Variants in NEIL3 observed in about 807,000 individuals in gnomAD.
NEIL3 encodes the protein endonuclease 8-like 3.
NEIL3 carries 48 observed loss-of-function variants against 57.5 expected under a neutral mutation model. The ratio of observed to expected loss-of-function variants is 0.83; its 90% confidence interval spans 0.66 to 1.06. NEIL3 has a LOEUF of 1.06. Among genes scored for constraint, NEIL3 ranks in the 50% least tolerant of loss-of-function variants. The probability of loss-of-function intolerance (pLI) is 0.00; values close to 1 mark genes in which losing one functional copy is unlikely to be tolerated. For synonymous variants in NEIL3, 261 were observed against 253.2 expected, an observed-to-expected ratio of 1.03 and a Z score of -0.29; for missense variants, 717 against 739.1, an observed-to-expected ratio of 0.97 and a Z score of 0.35.
Position 177,322,531 on chromosome 4 carries a change from G to GA in NEIL3, c.232dup (p.Thr78AsnfsTer28). ...TAATGGATATGTTTACAGTGGCGTGGAAACTTTGGGGAAGGAGCTCTTTAT... is the reference window on the plus strand; with the variant it reads ...TAATGGATATGTTTACAGTGGCGTGGAAAACTTTGGGGAAGGAGCTCTTTAT... On this transcript the variant is annotated frameshift_variant, in exon 2 of 10. Transcript: ENST00000264596. LOFTEE classifies it high-confidence loss of function. 1.9e-6 allele frequency: 3 copies of GA among 1,613,948 alleles called. No individual in the cohort carries two copies. In the South Asian group the frequency reaches 3.3e-5, roughly 18 times the overall value.
chr4:177,338,515 G>T lies in NEIL3; in HGVS notation c.628-1268G>T, dbSNP rs576980207. Among the ~76,000 whole-genome samples, 6 of 152,286 alleles carry T rather than the reference G, an allele frequency of 3.9e-5. No individual in the cohort carries two copies. The East Asian group carries it at 9.7e-4, about 25-fold the overall frequency. ...ATCTACATGTACGTGGACCTGCTCAGTTCAAACCTGTGTCGTTGAAGGGTC... is the reference window on the plus strand; with the variant it reads ...ATCTACATGTACGTGGACCTGCTCATTTCAAACCTGTGTCGTTGAAGGGTC... On this transcript the variant is annotated intron_variant, in intron 4 of 9. Transcript: ENST00000264596.
chr4:177,367,504 C>T (rs1272091593), downstream of NEIL3, among the ~76,000 whole-genome samples: 1 of 152,158 alleles, frequency 6.6e-6, no homozygotes, highest in Non-Finnish European at 1.5e-5. Context: ...GCAGATGTCT[C>T]TGTGCCTGTG....
At chr4:177,351,879 T>A (rs10001041) in intron 7 of NEIL3, among the ~76,000 whole-genome samples, 3 of 152,204 alleles carry the variant, frequency 2.0e-5, no homozygotes, top group Admixed American at 6.5e-5. Context: ...ACTTTCGAGT[T>A]TGTTATTCAG....
intron 1 of NEIL3, among the ~76,000 whole-genome samples, chr4:177,320,463 TGTC>T (rs1189973216): frequency 0.03 from 3,218 of 107,668 alleles, 82 homozygotes; most frequent in South Asian, 0.049. Context: ...AAGTGACTGC[TGTC>T]TTTTTTTTTT....
At chr4:177,345,591 C>T (rs925034882) in intron 6 of NEIL3, among the ~76,000 whole-genome samples, 2 of 151,382 alleles carry the variant, frequency 1.3e-5, no homozygotes, top group Admixed American at 6.6e-5. Flanking sequence ...CCATGTTGGC[C>T]AGGATGGTCT....
chr4:177,360,534 C>A lies in NEIL3; in HGVS notation c.1492C>A (p.Arg498Ser), dbSNP rs1410018716. The change falls in exon 9 of 10, where the codon CGT (arginine) becomes AGT (serine). Residue 498 changes from arginine (R) to serine (S), a missense_variant. Arg to Ser is a moderately radical substitution (Grantham distance 110). Transcript: ENST00000264596. ...ELQINMTDGP[R>S]TLNPDSPRCS... Reference sequence around the variant, plus strand: ...TCAAATTAATATGACAGATGGCCCTCGTACCTTAAATCCTGACAGCCCTCG... The same window carrying A: ...TCAAATTAATATGACAGATGGCCCTAGTACCTTAAATCCTGACAGCCCTCG... 9.3e-6 allele frequency: 15 copies of A among 1,613,810 alleles called. No homozygotes were observed. The highest frequency in any genetic ancestry group is 1.3e-5 in the African/African-American group (1 of 74,918).
At position 177,322,556 on chromosome 4, in the gene NEIL3, T is replaced by C. The variant is rs1469043175; in HGVS notation, c.254T>C (p.Met85Thr). The change falls in exon 2 of 10, where the codon ATG becomes ACG. Residue 85 changes from methionine (M) to threonine (T), a missense_variant. Physicochemically the swap from Met to Thr is moderately conservative, Grantham distance 81. Coordinates refer to ENST00000264596, the MANE Select transcript of NEIL3 (RefSeq NM_018248.3). ...GVETLGKELF[M>T]YFGPKALRIH... ...GAAACTTTGGGGAAGGAGCTCTTTA[T>C]GTACTTTGGACCAAAAGCTTTACGG... The C allele has an allele frequency of 6.2e-7, 1 of 1,613,822 alleles. No homozygotes were observed. The highest frequency in any genetic ancestry group is 8.5e-7 in the Non-Finnish European group (1 of 1,179,826).
Position 177,349,472 on chromosome 4 carries a change from T to G in NEIL3, c.870-1908T>G, listed in dbSNP as rs531843470. 2.2e-4 allele frequency among the ~76,000 whole-genome samples: 33 copies of G among 152,254 alleles called. No individual in the cohort carries two copies. The South Asian group carries it at 6.8e-3, about 32-fold the overall frequency. On this transcript the variant is annotated intron_variant, in intron 6 of 9. Coordinates refer to ENST00000264596, the MANE Select transcript of NEIL3 (RefSeq NM_018248.3). Reference sequence around the variant, plus strand: ...CCTTTGTGGTCTCCTTGCCTTCTCTTTGGTGTGTATCAAATCTCCCCCTCC... The same window carrying G: ...CCTTTGTGGTCTCCTTGCCTTCTCTGTGGTGTGTATCAAATCTCCCCCTCC...
intron 8 of NEIL3, among the ~76,000 whole-genome samples, chr4:177,356,796 G>A (rs1199081523): frequency 2.5e-4 from 38 of 152,138 alleles, no homozygotes; most frequent in Non-Finnish European, 5.4e-4. Flanking sequence ...TTAGATGATT[G>A]AACCCATTTT....
chr4:177,316,499 G>T (rs2111111413), intron 1 of NEIL3, among the ~76,000 whole-genome samples: 1 of 152,182 alleles, frequency 6.6e-6, no homozygotes, highest in Admixed American at 6.5e-5. Context: ...TAGAAAATAA[G>T]ATATTGGGAT....
chr4:177,323,394 A>C (rs1734724082), intron 2 of NEIL3, among the ~76,000 whole-genome samples: 1 of 152,202 alleles, frequency 6.6e-6, no homozygotes, highest in Non-Finnish European at 1.5e-5. Context: ...CCTGGACCCC[A>C]TGCTAACCAA....
At chr4:177,359,063 G>A (rs971672635) in intron 8 of NEIL3, among the ~76,000 whole-genome samples, 1 of 152,158 alleles carries the variant, frequency 6.6e-6, no homozygotes, top group African/African-American at 2.4e-5. Context: ...GGAGGAGATT[G>A]GTGAAATGGA....
intron 1 of NEIL3, among the ~76,000 whole-genome samples, chr4:177,312,336 A>G (rs1734492793): frequency 1.3e-5 from 2 of 152,202 alleles, no homozygotes; most frequent in South Asian, 4.1e-4. Flanking sequence ...TCTCAGCCAT[A>G]AAAGATTCAG....
intron 1 of NEIL3, among the ~76,000 whole-genome samples, chr4:177,320,539 G>A (rs1734661906): frequency 1.5e-5 from 2 of 136,506 alleles, no homozygotes; most frequent in Non-Finnish European, 3.0e-5. Context: ...GTGCAGTGGC[G>A]TGATCTCGGC....
At chr4:177,323,981 C>A (rs1734734515) in intron 2 of NEIL3, among the ~76,000 whole-genome samples, 1 of 152,170 alleles carries the variant, frequency 6.6e-6, no homozygotes, top group Non-Finnish European at 1.5e-5. Flanking sequence ...GGCTTGCTTC[C>A]TTTCAGTTTC....
rs764044305 is a variant in NEIL3 at position 177,336,161 on chromosome 4, G to A, written c.467G>A (p.Cys156Tyr). Reference sequence around the variant, plus strand: ...AGAATGATGAAAGAATTAGATGTATGTTCACCTGAATTTAGTTTCTTGAGA... The same window carrying A: ...AGAATGATGAAAGAATTAGATGTATATTCACCTGAATTTAGTTTCTTGAGA... ...RIRMMKELDV[C>Y]SPEFSFLRAE... The change falls in exon 4 of 10, where the codon TGT (cysteine) becomes TAT (tyrosine). Residue 156 changes from cysteine to tyrosine, a missense_variant. Physicochemically the swap from Cys to Tyr is radical, Grantham distance 194. Transcript: ENST00000264596. 14 of 1,613,894 alleles carry A rather than the reference G, an allele frequency of 8.7e-6. No homozygotes were observed. The highest frequency in any genetic ancestry group is 1.2e-5 in the Non-Finnish European group (14 of 1,179,782).
In NEIL3 at chr4:177,335,736, T is replaced by A. The variant is rs1734964369; in HGVS notation, c.327T>A (p.Tyr109Ter). 6.3e-7 allele frequency: 1 copy of A among 1,598,342 alleles called. No homozygotes were observed. Among genetic ancestry groups the A allele is most frequent in the African/African-American group, 1.4e-5 (1 of 74,026 alleles). Residue 109 changes from tyrosine to a stop codon, truncating the protein, a stop_gained, in exon 3 of 10, where the codon TAT becomes TAA. Coordinates refer to ENST00000264596, the MANE Select transcript of NEIL3 (RefSeq NM_018248.3). LOFTEE classifies it high-confidence loss of function. ...TCATCATGATTAATCCACTTGAGTA[T>A]AAATATAAAAATGGAGCTTCTCCTG... The part of the protein sequence containing the change: ...KGFIMINPLE[Y>*]KYKNGASPVL...
At position 177,326,801 on chromosome 4, in the gene NEIL3, G is replaced by A. The variant is rs141679997; in HGVS notation, c.278+4221G>A. The stretch of plus-strand genomic sequence containing the variant: ...CTAAGTGGGTTTTTTTGGAGCTATT[G>A]TAAAGGGTACTTTTTTAAAATTTGA... On this transcript the variant is annotated intron_variant, in intron 2 of 9. Coordinates refer to ENST00000264596, the MANE Select transcript of NEIL3 (RefSeq NM_018248.3). 1.1e-4 allele frequency among the ~76,000 whole-genome samples: 16 copies of A among 152,052 alleles called. No individual in the cohort carries two copies. In the East Asian group the frequency reaches 2.5e-3, roughly 24 times the overall value.
chr4:177,349,265 A>G (rs575786620), intron 6 of NEIL3, among the ~76,000 whole-genome samples: 2 of 152,172 alleles, frequency 1.3e-5, no homozygotes, highest in East Asian at 3.9e-4. Context: ...AAAGCAACAG[A>G]AATGCATTCA....
Sources: gnomAD v4.1 joint callset for allele counts (sites outside exome capture counted in the v4.1 genomes callset) on GRCh38, gnomAD v4.1.1 for gene constraint, MANE v1.5 for transcripts, NCBI Gene and HGNC (gene_info 2026-07-23, HGNC 2026-07-21) for gene names.